RBFOX1: variants seen among roughly 807,000 people sequenced by gnomAD.
RBFOX1 encodes RNA binding protein fox-1 homolog 1.
A neutral mutation model predicts 57.7 loss-of-function variants in RBFOX1; 8 were observed. That is an observed-to-expected ratio of 0.14 (90% CI 0.08 to 0.25). RBFOX1 has a LOEUF of 0.25. Ranked by LOEUF, RBFOX1 falls within the 10% of genes least tolerant of loss-of-function variation. The pLI is 1.00. For synonymous variants in RBFOX1, 326 were observed against 222.4 expected, an observed-to-expected ratio of 1.47 and a Z score of -4.15; for missense variants, 611 against 548.5, an observed-to-expected ratio of 1.11 and a Z score of -1.14.
intron 2 of RBFOX1, among the ~76,000 whole-genome samples, chr16:6,545,505 C>G (rs1029888110): frequency 5.3e-5 from 8 of 152,124 alleles, no homozygotes; most frequent in African/African-American, 1.7e-4. Flanking sequence ...CAGAGGATGC[C>G]TCCTGTCGTG....
chr16:7,678,397 G>T (rs1194104026), intron 14 of RBFOX1, among the ~76,000 whole-genome samples: 1 of 152,126 alleles, frequency 6.6e-6, no homozygotes, highest in East Asian at 1.9e-4. Flanking sequence ...AAGGCCTAAT[G>T]TTATTAAATT....
chr16:6,165,071 A>G (rs2096907422), intron 1 of RBFOX1, among the ~76,000 whole-genome samples: 2 of 152,168 alleles, frequency 1.3e-5, no homozygotes, highest in South Asian at 4.1e-4. Flanking sequence ...AGGCGTGATT[A>G]TGGTTTTGTC....
intron 4 of RBFOX1, among the ~76,000 whole-genome samples, chr16:7,464,127 C>T (rs1013493679): frequency 4.6e-5 from 7 of 152,308 alleles, no homozygotes; most frequent in African/African-American, 1.4e-4. Context: ...CCTTCTGGTG[C>T]TCAATGGCTC....
rs368718044 is a variant in RBFOX1 at position 6,811,289 on chromosome 16, A to G, written c.-16+156639A>G. Among the ~76,000 whole-genome samples, 17 of 152,354 alleles carry G rather than the reference A, an allele frequency of 1.1e-4. No individual in the cohort carries two copies. The East Asian group carries it at 2.9e-3, about 26-fold the overall frequency. The stretch of plus-strand genomic sequence containing the variant: ...AGAACAAAAGAAGAGAAATAGAATT[A>G]CCTCTCAACTTTGTAAAATAGAATT... On this transcript the variant is annotated intron_variant, in intron 3 of 15. Coordinates refer to ENST00000550418, the MANE Select transcript of RBFOX1 (RefSeq NM_018723.4).
chr16:6,618,269 A>C (rs1333787545), intron 2 of RBFOX1, among the ~76,000 whole-genome samples: 1 of 152,200 alleles, frequency 6.6e-6, no homozygotes, highest in African/African-American at 2.4e-5. Context: ...ACCCTAGAAA[A>C]ATAAGCAACA....
intron 4 of RBFOX1, among the ~76,000 whole-genome samples, chr16:5,887,926 GAAC>G (rs2057940835): frequency 1.3e-5 from 2 of 152,126 alleles, no homozygotes; most frequent in African/African-American, 4.8e-5. Flanking sequence ...CCACTATTCT[GAAC>G]AACAGGGCAA....
At chr16:5,635,224 A>G (rs1033034013) in intron 3 of RBFOX1, among the ~76,000 whole-genome samples, 7 of 152,226 alleles carry the variant, frequency 4.6e-5, no homozygotes, top group Non-Finnish European at 1.0e-4. Flanking sequence ...CCATCTGACA[A>G]AAGTCTCAAG....
At chr16:7,582,974 C>T (rs779725000) in intron 6 of RBFOX1, among the ~76,000 whole-genome samples, 15 of 152,128 alleles carry the variant, frequency 9.9e-5, no homozygotes, top group Admixed American at 3.3e-4. Context: ...CATCTGCAAC[C>T]GTTACATGCC....
chr16:5,667,959 G>A (rs1285576150), intron 3 of RBFOX1, among the ~76,000 whole-genome samples: 1 of 152,084 alleles, frequency 6.6e-6, no homozygotes, highest in Non-Finnish European at 1.5e-5. Flanking sequence ...GATGGCAGCA[G>A]TTGCCCTGGT....
At chr16:7,404,359 G>C (rs2098299016) in intron 4 of RBFOX1, among the ~76,000 whole-genome samples, 1 of 152,116 alleles carries the variant, frequency 6.6e-6, no homozygotes, top group Non-Finnish European at 1.5e-5. Flanking sequence ...AGCCGACATA[G>C]GAATTTATTT....
chr16:6,749,455 C>G (rs1165371439), intron 3 of RBFOX1, among the ~76,000 whole-genome samples: 1 of 152,144 alleles, frequency 6.6e-6, no homozygotes, highest in Admixed American at 6.5e-5. Flanking sequence ...ATACTCATAA[C>G]CGTCCGGGGA....
intron 14 of RBFOX1, among the ~76,000 whole-genome samples, chr16:7,693,597 A>G (rs184879802): frequency 2.6e-5 from 4 of 152,270 alleles, no homozygotes; most frequent in East Asian, 3.9e-4. Context: ...TTAATAATAC[A>G]TGGTCCAGAA....
intron 3 of RBFOX1, among the ~76,000 whole-genome samples, chr16:6,977,584 T>A (rs974242998): frequency 3.3e-5 from 5 of 152,046 alleles, no homozygotes; most frequent in African/African-American, 4.8e-5. Flanking sequence ...GGTTCCTAAC[T>A]CAGGACAGAT....
At chr16:7,073,966 T>G (rs2057845073) in intron 4 of RBFOX1, among the ~76,000 whole-genome samples, 2 of 152,230 alleles carry the variant, frequency 1.3e-5, no homozygotes, top group Non-Finnish European at 2.9e-5. Flanking sequence ...GCTCCCTGTT[T>G]CTGTAAATAT....
intron 14 of RBFOX1, among the ~76,000 whole-genome samples, chr16:7,697,545 T>C (rs1416257966): frequency 2.0e-5 from 3 of 152,194 alleles, no homozygotes; most frequent in Non-Finnish European, 4.4e-5. Flanking sequence ...TGCATGCATA[T>C]GTATGATAAA....
intron 2 of RBFOX1, among the ~76,000 whole-genome samples, chr16:6,372,580 GT>G (rs1249540135): frequency 6.7e-6 from 1 of 150,374 alleles, no homozygotes; most frequent in East Asian, 2.0e-4. Flanking sequence ...GGGTGGAAGA[GT>G]AGAGTTGGAT....
At chr16:6,518,360 C>T (rs2096422668) in intron 2 of RBFOX1, among the ~76,000 whole-genome samples, 1 of 152,084 alleles carries the variant, frequency 6.6e-6, no homozygotes, top group Non-Finnish European at 1.5e-5. Flanking sequence ...ATTCATGGCT[C>T]AAGGCTTTCT....
intron 1 of RBFOX1, among the ~76,000 whole-genome samples, chr16:6,034,248 T>C (rs1452035759): frequency 2.1e-5 from 3 of 141,910 alleles, no homozygotes; most frequent in Admixed American, 7.7e-5. Context: ...GGCAGAAGAA[T>C]TGCTTGAATG....
At chr16:5,430,123 G>T (rs932990726) in intron 1 of RBFOX1, among the ~76,000 whole-genome samples, 1 of 152,152 alleles carries the variant, frequency 6.6e-6, no homozygotes, top group African/African-American at 2.4e-5. Context: ...ACCATCAGCT[G>T]GGGGGATACA....
Sources: gnomAD v4.1 joint callset for allele counts (sites outside exome capture counted in the v4.1 genomes callset) on GRCh38, gnomAD v4.1.1 for gene constraint, MANE v1.5 for transcripts, NCBI Gene and HGNC (gene_info 2026-07-23, HGNC 2026-07-21) for gene names.